INTS7: variants seen among roughly 807,000 people sequenced by gnomAD.
INTS7 encodes the protein chromosome 1 open reading frame 73.
Under a neutral mutation model 109.2 loss-of-function variants are expected in INTS7, and 46 were observed. The ratio of observed to expected loss-of-function variants is 0.42; its 90% CI spans 0.33 to 0.54. The LOEUF (loss-of-function observed/expected upper bound fraction) is 0.54, where lower values mean the gene tolerates loss of function less well. Among genes scored for constraint, INTS7 ranks in the 20% least tolerant of loss-of-function variants. The pLI, the probability that INTS7 is intolerant of heterozygous loss-of-function variation, is 0.07. For missense variants in INTS7, 929 were observed against 1,132.4 expected, an observed-to-expected ratio of 0.82 and a Z score of 2.58; for synonymous variants, 412 against 402.9, an observed-to-expected ratio of 1.02 and a Z score of -0.27.
At chr1:212,021,270 A>C (rs1571914095) in intron 1 of INTS7, 58 bp from the exon 2 acceptor site, 21 of 1,404,086 alleles carry the variant, frequency 1.5e-5, no homozygotes, top group Middle Eastern at 1.8e-4. Flanking sequence ...GTGGCTACAA[A>C]GCAAAAATAG....
chr1:211,989,275 C>A (rs966504981), intron 7 of INTS7, among the ~76,000 whole-genome samples: 1 of 151,562 alleles, frequency 6.6e-6, no homozygotes, highest in Non-Finnish European at 1.5e-5. Context: ...CAAATATATA[C>A]TAGAATTTAA....
intron 10 of INTS7, among the ~76,000 whole-genome samples, chr1:211,980,317 G>A (rs78742756): frequency 0.014 from 2,096 of 152,198 alleles, 25 homozygotes; most frequent in Non-Finnish European, 0.021. Context: ...ACAAGCTAAC[G>A]CCAATGTTTA....
chr1:212,011,346 C>T (rs1474803781), intron 5 of INTS7, 29 bp downstream of exon 5: 1 of 1,284,618 alleles, frequency 7.8e-7, no homozygotes, highest in East Asian at 2.3e-5. Context: ...AATTAAGTCA[C>T]TTCATAATAC....
chr1:211,945,068 G>A (rs777531180), intron 18 of INTS7, 99 bp from the exon 19 acceptor site: 7 of 1,112,330 alleles, frequency 6.3e-6, no homozygotes, highest in Non-Finnish European at 9.1e-6. Flanking sequence ...TAACAAATTC[G>A]ATTGTGCACT....
chr1:211,989,324 A>C (rs1665041681), intron 7 of INTS7, among the ~76,000 whole-genome samples: 10 of 152,100 alleles, frequency 6.6e-5, no homozygotes, highest in Admixed American at 6.5e-4. Flanking sequence ...ATACCAGTTA[A>C]TCAAAACTAC....
At chr1:211,984,957 C>A (rs1477652759) in intron 8 of INTS7, among the ~76,000 whole-genome samples, 1 of 152,056 alleles carries the variant, frequency 6.6e-6, no homozygotes. Context: ...GCTATTACAT[C>A]CTCTACTAAG....
intron 13 of INTS7, among the ~76,000 whole-genome samples, chr1:211,972,616 A>C (rs1664229238): frequency 6.6e-6 from 1 of 152,228 alleles, no homozygotes; most frequent in African/African-American, 2.4e-5. Flanking sequence ...CTTGCTTCTA[A>C]CTAATGGAAT....
At chr1:211,974,296 TATATATATATATAA>T in intron 13 of INTS7, among the ~76,000 whole-genome samples, 1 of 135,840 alleles carries the variant, frequency 7.4e-6, no homozygotes, top group Non-Finnish European at 1.6e-5. Context: ...TATATATATA[TATATATATATATAA>T]AATACTTCAA....
intron 7 of INTS7, among the ~76,000 whole-genome samples, chr1:212,005,851 G>T (rs1311769454): frequency 6.6e-6 from 1 of 151,926 alleles, no homozygotes; most frequent in East Asian, 1.9e-4. Context: ...CCTTATCTTG[G>T]GATATCTGTG....
intron 16 of INTS7, among the ~76,000 whole-genome samples, chr1:211,956,788 A>G (rs1663380167): frequency 6.6e-6 from 1 of 152,094 alleles, no homozygotes; most frequent in Non-Finnish European, 1.5e-5. Flanking sequence ...ATTACTTAGT[A>G]TTTCATTTGT....
At chr1:212,015,317 T>C (rs1048818332) in intron 4 of INTS7, among the ~76,000 whole-genome samples, 6 of 152,148 alleles carry the variant, frequency 3.9e-5, no homozygotes, top group Non-Finnish European at 7.3e-5. Context: ...ACTGTGTCTG[T>C]GTAGAAAGAA....
At chr1:211,954,006 A>C (rs1663239299) in intron 16 of INTS7, among the ~76,000 whole-genome samples, 2 of 152,228 alleles carry the variant, frequency 1.3e-5, no homozygotes, top group African/African-American at 4.8e-5. Flanking sequence ...ACTAGTTTAC[A>C]GTCCCACCAA....
At chr1:211,974,274 AAAATATAT>A (rs1378411171) in intron 13 of INTS7, among the ~76,000 whole-genome samples, 16 of 79,560 alleles carry the variant, frequency 2.0e-4, no homozygotes, top group Admixed American at 1.9e-3. Flanking sequence ...CCAGAAAAAA[AAAATATAT>A]ATATATATAT....
rs1170923382 is a variant in INTS7 at position 211,946,308 on chromosome 1, C to A, written c.2415+299G>T. Among the ~76,000 whole-genome samples the A allele has an allele frequency of 6.6e-6, 1 of 152,074 alleles. No individual in the cohort carries two copies. Among genetic ancestry groups the A allele is most frequent in the Non-Finnish European group, 1.5e-5 (1 of 68,008 alleles). On this transcript the variant is annotated intron_variant, in intron 18 of 19. Coordinates refer to ENST00000366994, the MANE Select transcript of INTS7 (RefSeq NM_015434.4). This position sits in a 1 kb window ranked among gnomAD's most constrained non-coding sequence, Gnocchi z 4.3. The stretch of plus-strand genomic sequence containing the variant: ...GACCAGCCTAGCCAACATGGTGAAA[C>A]CCCATCTTTACCAAAAATAAAAAAA...
chr1:211,956,968 T>C (rs1461784218), intron 16 of INTS7, among the ~76,000 whole-genome samples: 2 of 152,234 alleles, frequency 1.3e-5, no homozygotes, highest in Non-Finnish European at 2.9e-5. Flanking sequence ...GGTCATATGA[T>C]AAATTTATGT....
At chr1:211,988,685 C>A (rs1179000556) in intron 7 of INTS7, among the ~76,000 whole-genome samples, 1 of 152,058 alleles carries the variant, frequency 6.6e-6, no homozygotes. Flanking sequence ...TGTGTACTAT[C>A]GTCTCGATTT....
At chr1:211,951,913 A>G (rs761986114) in intron 17 of INTS7, among the ~76,000 whole-genome samples, 5 of 152,194 alleles carry the variant, frequency 3.3e-5, no homozygotes, top group Non-Finnish European at 7.3e-5. Flanking sequence ...TGACTGGGAA[A>G]TCAGGGGAGA....
At chr1:211,977,411 T>C (rs1344591025) in intron 11 of INTS7, among the ~76,000 whole-genome samples, 2 of 152,212 alleles carry the variant, frequency 1.3e-5, no homozygotes, top group African/African-American at 4.8e-5. Context: ...GCCACTTCAA[T>C]AAAAAATAAA....
chr1:212,015,710 TAAAAAAAAAAAAAAAA>T (rs58204818), intron 4 of INTS7, among the ~76,000 whole-genome samples: 17 of 34,980 alleles, frequency 4.9e-4, no homozygotes, highest in East Asian at 1.0e-3. Flanking sequence ...CAATAAATAC[TAAAAAAAAAAAAAAAA>T]AAAAAAAAAA....
Sources: gnomAD v4.1 joint callset for allele counts (sites outside exome capture counted in the v4.1 genomes callset) on GRCh38, gnomAD v4.1.1 for gene constraint, Gnocchi (gnomAD v3.1) non-coding constraint, MANE v1.5 for transcripts, NCBI Gene and HGNC (gene_info 2026-07-23, HGNC 2026-07-21) for gene names.